The following CPA4 variants were observed in gnomAD, a reference collection of about 807,000 sequenced individuals.
CPA4 encodes the protein carboxypeptidase A3.
Under a neutral mutation model 54.7 loss-of-function variants are expected in CPA4, and 49 were observed. The observed-to-expected ratio is 0.90, with a 90% CI of 0.71 to 1.14. The LOEUF (loss-of-function observed/expected upper bound fraction) is 1.14, where lower values mean the gene tolerates loss of function less well. Among genes scored for constraint, CPA4 ranks in the 50% most tolerant of loss-of-function variants. The probability of loss-of-function intolerance (pLI) is 0.00; values close to 1 mark genes in which losing one functional copy is unlikely to be tolerated. For synonymous variants in CPA4, 215 were observed against 206.8 expected (o/e 1.04, Z -0.34); for missense variants, 487 against 525.1 (o/e 0.93, Z 0.71).
chr7:130,294,609 TG>T (rs1793621244), intron 1 of CPA4, among the ~76,000 whole-genome samples: 1 of 152,228 alleles, frequency 6.6e-6, no homozygotes, highest in Non-Finnish European at 1.5e-5. Context: ...TCTTGCAATG[TG>T]GTGGGCACCT....
In CPA4 at chr7:130,305,910, C is replaced by T. The variant is rs763658331; in HGVS notation, c.581C>T (p.Thr194Met). ...ATCTCCCAGGCCACTGCAATCTGGA[C>T]GGCAAGGAAGGTCATGCTGCGTGGT... Reference protein sequence around the residue: ...EWISQATAIWTARKIVSDYQR... With the variant: ...EWISQATAIWMARKIVSDYQR... Residue 194 changes from threonine (T) to methionine (M), a missense_variant, in exon 6 of 11, where the codon ACG (threonine) becomes ATG (methionine). Coordinates refer to ENST00000222482, the MANE Select transcript of CPA4 (RefSeq NM_016352.4). The T allele has an allele frequency of 2.6e-5, 42 of 1,613,054 alleles. 1 individual carries two copies. In the South Asian group the frequency reaches 2.9e-4, roughly 11 times the overall value.
chr7:130,308,254 C>T (rs942391439), intron 7 of CPA4, 53 bp from the exon 8 acceptor site: 12 of 1,490,812 alleles, frequency 8.0e-6, no homozygotes, highest in African/African-American at 2.8e-5. Flanking sequence ...TAGCCCTCTT[C>T]GGTGATCTGA....
chr7:130,304,497 ACATTGCCG>A lies in CPA4; in HGVS notation c.407_414del (p.Ile136ArgfsTer4), dbSNP rs772705700. ...CTTCAGATTTACCACGAGATGGACA[ACATTGCCG>A]CAGACTTTCCTGACCTGGCGAGGAG... On this transcript the variant is annotated frameshift_variant, in exon 5 of 11. Coordinates refer to ENST00000222482, the MANE Select transcript of CPA4 (RefSeq NM_016352.4). LOFTEE classifies it high-confidence loss of function. 2.6e-4 allele frequency: 424 copies of A among 1,611,628 alleles called. No individual in the cohort carries two copies. Among genetic ancestry groups the A allele is most frequent in the Non-Finnish European group, 3.0e-4 (355 of 1,177,790 alleles).
Position 130,310,744 on chromosome 7 carries a change from T to C in CPA4, c.794-43T>C. 1.3e-6 allele frequency: 2 copies of C among 1,577,746 alleles called. No homozygotes were observed. The highest frequency in any genetic ancestry group is 1.3e-5 in the African/African-American group (1 of 74,332). ...TGGAGCGTCTTGCATTTCTGTGTTC[T>C]TGGACTATGAGTTAATGTTTGTTCT... On this transcript the variant is annotated intron_variant, in intron 8 of 10. Transcript: ENST00000222482. The surrounding 1 kb of genome is among the most constrained non-coding windows in gnomAD (Gnocchi z 4.3).
In CPA4 at chr7:130,310,372, C is replaced by T. The variant is rs1261126915; in HGVS notation, c.794-415C>T. ...AATAATCAAGAGATTTTAGCCACAA[C>T]AATTGATTATTTCTGGCACACTTGG... is the stretch of plus-strand genomic sequence containing the variant. On this transcript the variant is annotated intron_variant, in intron 8 of 10. Coordinates refer to ENST00000222482, the MANE Select transcript of CPA4 (RefSeq NM_016352.4). This position sits in a 1 kb window ranked among gnomAD's most constrained non-coding sequence, Gnocchi z 4.3. Among the ~76,000 whole-genome samples the T allele has an allele frequency of 1.3e-5, 2 of 152,208 alleles. No homozygotes were observed. The highest frequency in any genetic ancestry group is 2.4e-5 in the African/African-American group (1 of 41,454).
intron 4 of CPA4, 90 bp from the exon 5 acceptor site, chr7:130,304,388 T>G: frequency 1.2e-6 from 1 of 832,852 alleles, no homozygotes; most frequent in Non-Finnish European, 2.1e-6. Context: ...CCGGAAGAGA[T>G]AGTTAAGATC....
At chr7:130,305,397 A>G (rs529018927) in intron 5 of CPA4, among the ~76,000 whole-genome samples, 2 of 152,356 alleles carry the variant, frequency 1.3e-5, no homozygotes, top group South Asian at 4.1e-4. Context: ...ACAAAGAGCT[A>G]TAGCGAGCCC....
chr7:130,295,337 C>G lies in CPA4; in HGVS notation c.68+2089C>G, dbSNP rs573476017. 2.0e-5 allele frequency among the ~76,000 whole-genome samples: 3 copies of G among 152,156 alleles called. No individual in the cohort carries two copies. The South Asian group carries it at 6.2e-4, about 32-fold the overall frequency. On this transcript the variant is annotated intron_variant, in intron 1 of 10. Transcript: ENST00000222482. ...CTGTGAGGGTGAGGGAGTGGGAGTG[C>G]CAGCCATTGCAATGGCAGCAGCTGG...
In CPA4 at chr7:130,322,714, C is replaced by T. The variant is rs1794135512; in HGVS notation, c.*38C>T. ...CTCTGTCTACATTTATTTGTACCCA[C>T]ACGTGCACGCACTGAGGCCATTGTT... On this transcript the variant is annotated 3_prime_UTR_variant, in exon 11 of 11. Coordinates refer to ENST00000222482, the MANE Select transcript of CPA4 (RefSeq NM_016352.4). 6.4e-7 allele frequency: 1 copy of T among 1,568,406 alleles called. No individual in the cohort carries two copies. Among genetic ancestry groups the T allele is most frequent in the South Asian group, 1.2e-5 (1 of 85,030 alleles).
Position 130,308,342 on chromosome 7 carries a change from T to G in CPA4, c.738T>G (p.Pro246=). ...GGAGGAAGACGCGGTCCCGAAATCC[T>G]GGAAGCTCCTGCATTGGTGCTGACC... The part of the protein sequence containing the change: ...RLWRKTRSRN[P]GSSCIGADPN... The change falls in exon 8 of 11, where the codon CCT becomes CCG. Residue 246 remains proline, a synonymous_variant. Coordinates refer to ENST00000222482, the MANE Select transcript of CPA4 (RefSeq NM_016352.4). 6.2e-7 allele frequency: 1 copy of G among 1,614,216 alleles called. No homozygotes were observed. The highest frequency in any genetic ancestry group is 8.5e-7 in the Non-Finnish European group (1 of 1,180,032).
chr7:130,317,114 G>C (rs1042466008), intron 10 of CPA4, among the ~76,000 whole-genome samples: 8 of 152,240 alleles, frequency 5.3e-5, no homozygotes, highest in African/African-American at 9.6e-5. Flanking sequence ...TCTTTATCTG[G>C]GCTCAAGCAA....
chr7:130,322,579 G>T lies in CPA4; in HGVS notation c.1169G>T (p.Gly390Val). Residue 390 changes from glycine to valine, a missense_variant, in exon 11 of 11, where the codon GGC becomes GTC. Physicochemically the swap from Gly to Val is moderately radical, Grantham distance 109. Coordinates refer to ENST00000222482, the MANE Select transcript of CPA4 (RefSeq NM_016352.4). ...TFELRDTGTY[G>V]FLLPANQIIP... ...GAGTTGAGAGATACCGGGACCTATG[G>T]CTTCCTCCTGCCAGCTAACCAGATC... The T allele has an allele frequency of 3.1e-6, 5 of 1,614,152 alleles. No homozygotes were observed. The highest frequency in any genetic ancestry group is 2.2e-5 in the South Asian group (2 of 91,082).
At chr7:130,305,963 G>GACACA (rs2117144154) in intron 6 of CPA4, 43 bp downstream of exon 6, 1 of 1,524,778 alleles carries the variant, frequency 6.6e-7, no homozygotes, top group East Asian at 2.2e-5. Flanking sequence ...ATGGTGCCGG[G>GACACA]GTGCCCCTGC....
chr7:130,318,308 C>T (rs1794022605), intron 10 of CPA4, among the ~76,000 whole-genome samples: 1 of 152,172 alleles, frequency 6.6e-6, no homozygotes, highest in Non-Finnish European at 1.5e-5. Flanking sequence ...CTCTCCTCCA[C>T]AGTATAAACT....
At chr7:130,298,937 C>T (rs1379102216) in intron 2 of CPA4, 110 bp downstream of exon 2, 2 of 700,196 alleles carry the variant, frequency 2.9e-6, no homozygotes, top group South Asian at 1.8e-5. Flanking sequence ...GAATATAATC[C>T]TGTGGGAGTC....
intron 5 of CPA4, among the ~76,000 whole-genome samples, chr7:130,305,295 T>C (rs1192961894): frequency 1.3e-5 from 2 of 152,172 alleles, no homozygotes; most frequent in Non-Finnish European, 2.9e-5. Flanking sequence ...TGCCAATCTG[T>C]TGGAGACCCT....
At chr7:130,309,497 G>T (rs915494697) in intron 8 of CPA4, among the ~76,000 whole-genome samples, 1 of 152,224 alleles carries the variant, frequency 6.6e-6, no homozygotes, top group African/African-American at 2.4e-5. Context: ...GAAAGGGAAA[G>T]AGAATTAGGA....
intron 6 of CPA4, 119 bp downstream of exon 6, chr7:130,306,039 G>A: frequency 2.6e-6 from 2 of 765,704 alleles, no homozygotes; most frequent in Non-Finnish European, 4.3e-6. Flanking sequence ...CCAGTCGGCT[G>A]GGGGGCCTTT....
At chr7:130,305,745 A>C in intron 5 of CPA4, 71 bp from the exon 6 acceptor site, 1 of 1,050,120 alleles carries the variant, frequency 9.5e-7, no homozygotes, top group Non-Finnish European at 1.5e-6. Flanking sequence ...AATGGGAGAG[A>C]GCTGGAGAGA....
Sources: allele counts gnomAD v4.1 joint callset (sites outside exome capture counted in the v4.1 genomes callset), GRCh38; gene constraint gnomAD v4.1.1; non-coding constraint Gnocchi (gnomAD v3.1); transcripts MANE v1.5; gene names NCBI Gene and HGNC (gene_info 2026-07-23, HGNC 2026-07-21).